The following PHF21B variants were observed in gnomAD, a reference collection of about 807,000 sequenced individuals.
PHF21B encodes the protein PHD finger protein 21B, also known as PHD finger protein 4.
In PHF21B, 22 loss-of-function variants were observed where a neutral mutation model predicts 62.2. That is an observed-to-expected ratio of 0.35 (90% confidence interval 0.25 to 0.51). The LOEUF is 0.51. PHF21B is among the 20% of genes least tolerant of loss of function. The pLI is 0.97. For synonymous variants in PHF21B, 341 were observed against 314.7 expected, an observed-to-expected ratio of 1.08 and a Z score of -0.88; for missense variants, 701 against 707.9, an observed-to-expected ratio of 0.99 and a Z score of 0.11.
chr22:44,948,249 T>G (rs1164973197), intron 2 of PHF21B, among the ~76,000 whole-genome samples: 1 of 152,200 alleles, frequency 6.6e-6, no homozygotes, highest in African/African-American at 2.4e-5. Context: ...TAACATAGCA[T>G]AAGTGGGAAA....
chr22:44,997,145 G>A (rs1000499827), intron 2 of PHF21B, among the ~76,000 whole-genome samples: 3 of 152,066 alleles, frequency 2.0e-5, no homozygotes, highest in African/African-American at 4.8e-5. Context: ...CAGAGAATAC[G>A]CAAAAAGGCT....
rs1224911072 is a variant in PHF21B, at chr22:44,884,229, ACT to A, written c.1378-927_1378-926del. On this transcript the variant is annotated intron_variant, in intron 12 of 12. Coordinates refer to ENST00000313237, the MANE Select transcript of PHF21B (RefSeq NM_138415.5). ...CACCAACGTCACCACCACCACCACC[ACT>A]GTGATCAGCACCATCACCACCATCA... 3.0e-5 allele frequency among the ~76,000 whole-genome samples: 4 copies of A among 134,896 alleles called. No individual in the cohort carries two copies. In the Admixed American group the frequency reaches 3.0e-4, roughly 10 times the overall value. 88.5% of individuals were successfully genotyped at this position (134,896 alleles called of 152,430 possible). A position where few individuals can be genotyped will look rare whatever the true frequency, so the allele number is the denominator to read the frequency against.
chr22:44,973,989 G>A (rs559831581), intron 2 of PHF21B, among the ~76,000 whole-genome samples: 1 of 152,342 alleles, frequency 6.6e-6, no homozygotes, highest in Admixed American at 6.5e-5. Context: ...TTGGACACCA[G>A]TGAGACACCC....
At chr22:44,884,035 T>TGATC (rs2070786576) in intron 12 of PHF21B, among the ~76,000 whole-genome samples, 1 of 121,598 alleles carries the variant, frequency 8.2e-6, no homozygotes, top group South Asian at 2.7e-4. Context: ...ACCATCACTG[T>TGATC]GATCAGCACC....
rs1257581595 is a variant in PHF21B, at chr22:45,009,503, C to G, written c.47G>C (p.Arg16Pro). 6.4e-7 allele frequency: 1 copy of G among 1,554,052 alleles called. No individual in the cohort carries two copies. Among genetic ancestry groups the G allele is most frequent in the African/African-American group, 1.4e-5 (1 of 73,322 alleles). ...RPEALAVELA[R>P]HQNGDLKKQL... ...CGGCCCCCGGCCACCTACCTGGTGG[C>G]GCGCGAGTTCCACGGCGAGCGCCTC... The change falls in exon 1 of 13, where the codon CGC becomes CCC. Residue 16 changes from arginine to proline, a missense_variant. By Grantham distance (103) the Arg-to-Pro change is moderately radical. Transcript: ENST00000313237. The surrounding 1 kb of genome is among the most constrained non-coding windows in gnomAD (Gnocchi z 5.9).
chr22:44,916,620 T>C lies in PHF21B; in HGVS notation c.224A>G (p.Lys75Arg). 1 of 1,601,508 alleles carries C rather than the reference T, an allele frequency of 6.2e-7. No individual in the cohort carries two copies. The highest frequency in any genetic ancestry group is 2.2e-5 in the East Asian group (1 of 44,864). Residue 75 changes from lysine to arginine, a missense_variant, in exon 4 of 13, where the codon AAG becomes AGG. Physicochemically the swap from Lys to Arg is conservative, Grantham distance 26 (BLOSUM62 2). Transcript: ENST00000313237. The part of the protein sequence containing the change: ...GAAVLPQVRP[K>R]TLIPDSLPVA... ...GGGGAGGCTGTCTGGAATCAGAGTC[T>C]TTGGCCTAACCTGGGAAGAAGGGAC...
chr22:44,945,723 G>A lies in PHF21B; in HGVS notation c.121-25233C>T, dbSNP rs996428737. ...AAATACTGTTGGCAGAATTGGGGGGGGGGTGGTATAAAGCAGTCCTGCTTA... is the reference window on the plus strand; with the variant it reads ...AAATACTGTTGGCAGAATTGGGGGGAGGGTGGTATAAAGCAGTCCTGCTTA... On this transcript the variant is annotated intron_variant, in intron 2 of 12. Transcript: ENST00000313237. 1.5e-4 allele frequency among the ~76,000 whole-genome samples: 4 copies of A among 26,184 alleles called. 1 individual carries two copies. Among genetic ancestry groups the A allele is most frequent in the Non-Finnish European group, 3.5e-4 (4 of 11,384 alleles). 17.2% of individuals were successfully genotyped at this position (26,184 alleles called of 152,430 possible).
intron 2 of PHF21B, among the ~76,000 whole-genome samples, chr22:44,936,033 G>A (rs768157263): frequency 5.3e-5 from 8 of 152,230 alleles, no homozygotes; most frequent in African/African-American, 1.2e-4. Flanking sequence ...TGCAAATAAC[G>A]TGTTGAAAAT....
chr22:44,990,654 C>G (rs1333549086), intron 2 of PHF21B, among the ~76,000 whole-genome samples: 1 of 152,150 alleles, frequency 6.6e-6, no homozygotes, highest in Non-Finnish European at 1.5e-5. Flanking sequence ...AGTAAGATGC[C>G]GGCTACCAGG....
At chr22:44,914,962 G>A (rs2071408535) in intron 4 of PHF21B, among the ~76,000 whole-genome samples, 1 of 152,198 alleles carries the variant, frequency 6.6e-6, no homozygotes, top group African/African-American at 2.4e-5. Flanking sequence ...AATTCTCCAG[G>A]ATCCATCAGC....
In PHF21B at chr22:44,913,893, C is replaced by T. The variant is rs2071387621; in HGVS notation, c.760G>A (p.Glu254Lys). Residue 254 changes from glutamate (E) to lysine (K), a missense_variant, in exon 5 of 13, where the codon GAG becomes AAG. By Grantham distance (56) the Glu-to-Lys change is moderately conservative. Transcript: ENST00000313237. ...STAESRPPTEEPSQGAQATKK... is the reference protein window; with the variant it reads ...STAESRPPTEKPSQGAQATKK... The stretch of plus-strand genomic sequence containing the variant: ...GTGGCCTGAGCTCCCTGAGATGGCT[C>T]CTCTGTGGGCGGCCGCGACTCTGCC... 1.9e-6 allele frequency: 3 copies of T among 1,613,988 alleles called. No homozygotes were observed. Among genetic ancestry groups the T allele is most frequent in the Non-Finnish European group, 2.5e-6 (3 of 1,180,014 alleles).
intron 2 of PHF21B, among the ~76,000 whole-genome samples, chr22:44,923,318 C>A: frequency 7.1e-6 from 1 of 140,244 alleles, no homozygotes; most frequent in African/African-American, 2.7e-5. Flanking sequence ...TCAGTCCATA[C>A]CACATACCAT....
At chr22:44,937,873 A>G (rs1351654177) in intron 2 of PHF21B, among the ~76,000 whole-genome samples, 1 of 152,248 alleles carries the variant, frequency 6.6e-6, no homozygotes, top group Non-Finnish European at 1.5e-5. Flanking sequence ...AGAAGCAGCA[A>G]AACTAATCCC....
chr22:45,003,285 C>T (rs1351848028), intron 2 of PHF21B: 1 of 152,318 alleles, frequency 6.6e-6, no homozygotes, highest in African/African-American at 2.4e-5. Context: ...CAGCAGGCAC[C>T]CCTCAGGGAG....
chr22:44,964,057 T>C (rs1214980633), intron 2 of PHF21B, among the ~76,000 whole-genome samples: 1 of 152,214 alleles, frequency 6.6e-6, no homozygotes, highest in Non-Finnish European at 1.5e-5. Flanking sequence ...GCTGGAAGCC[T>C]CGGCTTCCTT....
intron 2 of PHF21B, among the ~76,000 whole-genome samples, chr22:45,007,976 C>G (rs903803803): frequency 1.3e-5 from 2 of 151,646 alleles, no homozygotes; most frequent in African/African-American, 4.8e-5. Context: ...ACACCTAACG[C>G]CCGGAGCCCA....
intron 2 of PHF21B, among the ~76,000 whole-genome samples, chr22:44,994,475 C>T (rs910333246): frequency 5.3e-5 from 8 of 152,234 alleles, no homozygotes; most frequent in African/African-American, 1.9e-4. Flanking sequence ...CCTCGAGCCT[C>T]CGGAGGGAGT....
At chr22:44,918,848 C>T (rs2147309314) in intron 3 of PHF21B, among the ~76,000 whole-genome samples, 1 of 152,324 alleles carries the variant, frequency 6.6e-6, no homozygotes, top group African/African-American at 2.4e-5. Context: ...GCAGCCTCTC[C>T]CTGGAGCCTG....
chr22:44,935,854 G>C (rs1334968334), intron 2 of PHF21B, among the ~76,000 whole-genome samples: 1 of 152,084 alleles, frequency 6.6e-6, no homozygotes, highest in Non-Finnish European at 1.5e-5. Flanking sequence ...TCAAGAAGGG[G>C]TGGCTCTGCC....
Sources: allele counts gnomAD v4.1 joint callset (sites outside exome capture counted in the v4.1 genomes callset), GRCh38; gene constraint gnomAD v4.1.1; non-coding constraint Gnocchi (gnomAD v3.1); transcripts MANE v1.5; gene names NCBI Gene and HGNC (gene_info 2026-07-23, HGNC 2026-07-21).